Variants in ZEB2 observed in about 807,000 individuals in gnomAD.
ZEB2 encodes zinc finger E-box-binding homeobox 2.
Under a neutral mutation model 99.9 loss-of-function variants are expected in ZEB2, and 6 were observed. The observed-to-expected ratio is 0.06, with a 90% CI of 0.03 to 0.12. ZEB2 has a LOEUF of 0.12. ZEB2 is among the 10% of genes least tolerant of loss of function. The pLI is 1.00. For synonymous variants in ZEB2, 517 were observed against 542.5 expected (o/e 0.95, Z 0.65); for missense variants, 969 against 1,502.8 (o/e 0.64, Z 5.87).
At chr2:144,484,575 T>C (rs1238174404) in intron 2 of ZEB2, among the ~76,000 whole-genome samples, 1 of 152,128 alleles carries the variant, frequency 6.6e-6, no homozygotes, top group African/African-American at 2.4e-5. Flanking sequence ...CCCAAACCTT[T>C]TCCTATTTGC....
At chr2:144,519,221 G>A (rs905721950) in intron 1 of ZEB2, 2 of 151,852 alleles carry the variant, frequency 1.3e-5, no homozygotes, top group Non-Finnish European at 2.9e-5. Flanking sequence ...CCTGACAGCA[G>A]TTTTCTTCCC....
chr2:144,453,090 C>T (rs989017285), intron 2 of ZEB2, among the ~76,000 whole-genome samples: 5 of 152,146 alleles, frequency 3.3e-5, no homozygotes, highest in Admixed American at 1.3e-4. Context: ...GGCATGCTAA[C>T]GGCGCAGTCA....
At chr2:144,437,919 G>T (rs757931469) in intron 2 of ZEB2, among the ~76,000 whole-genome samples, 7 of 152,128 alleles carry the variant, frequency 4.6e-5, no homozygotes, top group African/African-American at 7.2e-5. Flanking sequence ...AATTTTCTCT[G>T]ATTGTTTTAG....
intron 2 of ZEB2, among the ~76,000 whole-genome samples, chr2:144,492,213 A>G (rs1704691404): frequency 6.6e-6 from 1 of 152,230 alleles, no homozygotes; most frequent in African/African-American, 2.4e-5. Context: ...TGTGATTCTA[A>G]GTACAGAAGG....
intron 4 of ZEB2, among the ~76,000 whole-genome samples, chr2:144,418,336 G>A (rs1703571017): frequency 6.6e-6 from 1 of 152,172 alleles, no homozygotes; most frequent in Admixed American, 6.5e-5. Context: ...AAGTTAAGGA[G>A]GAACCAGTAT....
chr2:144,447,333 T>G (rs1279708830), intron 2 of ZEB2, among the ~76,000 whole-genome samples: 1 of 152,186 alleles, frequency 6.6e-6, no homozygotes, highest in Non-Finnish European at 1.5e-5. Flanking sequence ...TAGAGAAAAT[T>G]TGCATAACTG....
At chr2:144,517,025 G>C (rs1217782500) in intron 2 of ZEB2, among the ~76,000 whole-genome samples, 1 of 149,286 alleles carries the variant, frequency 6.7e-6, no homozygotes, top group Non-Finnish European at 1.5e-5. Flanking sequence ...CTGGGGGCGC[G>C]GGGCCCCGGC....
At chr2:144,513,420 T>C (rs768730918) in intron 2 of ZEB2, 2 of 1,396,698 alleles carry the variant, frequency 1.4e-6, no homozygotes, top group South Asian at 2.4e-5. Context: ...AACCCTTTAG[T>C]GGAAACTCTG....
In ZEB2 at chr2:144,497,990, ATAT is replaced by A. The variant is rs1401875598; in HGVS notation, c.73+19285_73+19287del. On this transcript the variant is annotated intron_variant, in intron 2 of 9. Coordinates refer to ENST00000627532, the MANE Select transcript of ZEB2 (RefSeq NM_014795.4). ...ATATTATATATTATATAATATATTA[ATAT>A]TATATATTATATAATATATTAATAT... is the stretch of plus-strand genomic sequence containing the variant. 2.5e-3 allele frequency among the ~76,000 whole-genome samples: 5 copies of A among 1,996 alleles called. 1 individual carries two copies. The highest frequency in any genetic ancestry group is 0.015 in the South Asian group (1 of 68). The allele number at this position is 1,996 out of a possible 152,430, so 1.3% of individuals were successfully genotyped here.
chr2:144,385,692 A>G lies in ZEB2; in HGVS notation c.*3759T>C, dbSNP rs1038256922. ...CTACAGCCCCTGAATGGCCTCACAC[A>G]TCTTGGAGCAAAAGCATGGTTAACA... On this transcript the variant is annotated 3_prime_UTR_variant, in exon 10 of 10. Coordinates refer to ENST00000627532, the MANE Select transcript of ZEB2 (RefSeq NM_014795.4). 1 of 152,172 alleles carries G rather than the reference A, an allele frequency of 6.6e-6. No individual in the cohort carries two copies. Among genetic ancestry groups the G allele is most frequent in the African/African-American group, 2.4e-5 (1 of 41,442 alleles). 9.4% of individuals were successfully genotyped at this position (152,172 alleles called of 1,614,324 possible).
intron 2 of ZEB2, among the ~76,000 whole-genome samples, chr2:144,441,816 G>A (rs1703922467): frequency 6.6e-6 from 1 of 152,220 alleles, no homozygotes; most frequent in Non-Finnish European, 1.5e-5. Flanking sequence ...CAGTTTGAAA[G>A]TGACTATAAA....
chr2:144,486,209 T>C (rs1704592723), intron 2 of ZEB2, among the ~76,000 whole-genome samples: 1 of 152,208 alleles, frequency 6.6e-6, no homozygotes, highest in Non-Finnish European at 1.5e-5. Flanking sequence ...CAAACACATC[T>C]TTTCTTGAAA....
intron 4 of ZEB2, 109 bp downstream of exon 4, chr2:144,424,687 T>C: frequency 7.5e-7 from 1 of 1,334,564 alleles, no homozygotes; most frequent in Non-Finnish European, 1.1e-6. Flanking sequence ...AGTTGACTAC[T>C]TGTTAAGTCA....
intron 1 of ZEB2, among the ~76,000 whole-genome samples, chr2:144,519,094 T>G (rs1273833548): frequency 6.6e-6 from 1 of 152,232 alleles, no homozygotes; most frequent in African/African-American, 2.4e-5. Context: ...GACTTTTCAG[T>G]GCCAAAGTAT....
At chr2:144,465,254 A>T (rs1704255689) in intron 2 of ZEB2, among the ~76,000 whole-genome samples, 1 of 152,162 alleles carries the variant, frequency 6.6e-6, no homozygotes, top group Non-Finnish European at 1.5e-5. Flanking sequence ...ATGAGCACTG[A>T]GATTTTACTT....
At chr2:144,452,358 A>G (rs1167195302) in intron 2 of ZEB2, among the ~76,000 whole-genome samples, 1 of 152,172 alleles carries the variant, frequency 6.6e-6, no homozygotes, top group Non-Finnish European at 1.5e-5. Context: ...GCCAAGAAGA[A>G]GAGGGTGAAC....
At chr2:144,499,412 A>C (rs1343269781) in intron 2 of ZEB2, among the ~76,000 whole-genome samples, 2 of 152,230 alleles carry the variant, frequency 1.3e-5, no homozygotes, top group African/African-American at 4.8e-5. Context: ...TAATCTATAG[A>C]ATCCACTCAT....
At chr2:144,487,228 A>G (rs576078906) in intron 2 of ZEB2, among the ~76,000 whole-genome samples, 2 of 152,308 alleles carry the variant, frequency 1.3e-5, no homozygotes, top group East Asian at 3.9e-4. Flanking sequence ...GACATGCAGG[A>G]AGATATGCTA....
In ZEB2 at chr2:144,401,409, G is replaced by T; in HGVS notation, c.808-102C>A. On this transcript the variant is annotated intron_variant, in intron 6 of 9. Coordinates refer to ENST00000627532, the MANE Select transcript of ZEB2 (RefSeq NM_014795.4). ...CCTCTGTTTTTCAGACAGGCCAAAAGGTTTGAGTGCATGCTTATTTATCTG... is the reference window on the plus strand; with the variant it reads ...CCTCTGTTTTTCAGACAGGCCAAAATGTTTGAGTGCATGCTTATTTATCTG... 6 of 1,045,938 alleles carry T rather than the reference G, an allele frequency of 5.7e-6. No individual in the cohort carries two copies. In the South Asian group the frequency reaches 6.4e-5, roughly 11 times the overall value. The allele number at this position is 1,045,938 out of a possible 1,614,324, so 64.8% of individuals were successfully genotyped here.
Sources: gnomAD v4.1 joint callset for allele counts (sites outside exome capture counted in the v4.1 genomes callset) on GRCh38, gnomAD v4.1.1 for gene constraint, MANE v1.5 for transcripts, NCBI Gene and HGNC (gene_info 2026-07-23, HGNC 2026-07-21) for gene names.